Variants in WFDC10B observed in about 807,000 individuals in gnomAD.
The protein encoded by WFDC10B is protein WFDC10B.
WFDC10B carries 1 observed loss-of-function variant against 2.7 expected under a neutral mutation model. The observed-to-expected ratio is 0.38, with a 90% CI of 0.13 to 1.79. The LOEUF is 1.79. WFDC10B is among the 40% of genes most tolerant of loss of function. WFDC10B has a pLI of 0.33. For synonymous variants in WFDC10B, 26 were observed against 32.2 expected (o/e 0.81, Z 0.65); for missense variants, 71 against 87.8 (o/e 0.81, Z 0.76).
rs1353669059 is a variant in WFDC10B at position 45,704,538 on chromosome 20, C to T, written c.-106G>A. ...AAGATTGCGAGAAAGGATTTCAGTGCTGTTCCTCCTTCTGTGGGATAGTCT... is the reference window on the plus strand; with the variant it reads ...AAGATTGCGAGAAAGGATTTCAGTGTTGTTCCTCCTTCTGTGGGATAGTCT... On this transcript the variant is annotated 5_prime_UTR_variant, in exon 2 of 4. Coordinates refer to ENST00000330523, the MANE Select transcript of WFDC10B (RefSeq NM_172006.2). 1 of 1,614,064 alleles carries T rather than the reference C, an allele frequency of 6.2e-7. No homozygotes were observed. The highest frequency in any genetic ancestry group is 2.2e-5 in the East Asian group (1 of 44,886).
At chr20:45,690,528 G>T (rs1417667330) in intron 2 of WFDC10B, among the ~76,000 whole-genome samples, 1 of 151,532 alleles carries the variant, frequency 6.6e-6, no homozygotes, top group Non-Finnish European at 1.5e-5. Flanking sequence ...TCCTGTTATT[G>T]GTCTATTCAG....
At position 45,685,871 on chromosome 20, in the gene WFDC10B, T is replaced by C. The variant is rs770474904; in HGVS notation, c.91+31A>G. ...CTCCTCCATTCCCCCTACCCAACTC[T>C]CCATCACCCATCCAGCAGCCCATCA... On this transcript the variant is annotated intron_variant, in intron 3 of 3. Coordinates refer to ENST00000330523, the MANE Select transcript of WFDC10B (RefSeq NM_172006.2). The C allele has an allele frequency of 2.0e-5, 32 of 1,611,528 alleles. No individual in the cohort carries two copies. In the Admixed American group the frequency reaches 4.2e-4, roughly 21 times the overall value.
At chr20:45,696,454 C>T (rs1276055984) in intron 2 of WFDC10B, among the ~76,000 whole-genome samples, 2 of 151,850 alleles carry the variant, frequency 1.3e-5, no homozygotes, top group Non-Finnish European at 1.5e-5. Flanking sequence ...AAAGAATCAA[C>T]AAGACCAAAG....
At position 45,684,875 on chromosome 20, in the gene WFDC10B, T is replaced by C. The variant is rs759313793; in HGVS notation, c.177A>G (p.Ile59Met). The C allele has an allele frequency of 1.2e-6, 2 of 1,614,064 alleles. No homozygotes were observed. The highest frequency in any genetic ancestry group is 2.2e-5 in the South Asian group (2 of 91,074). The stretch of plus-strand genomic sequence containing the variant: ...TGTTCCCACAGAAGGCTGAACAGCA[T>C]ATCTTATTTGTTTCACACTTTTGGA... ...SYFQKCETNK[I>M]CCSAFCGNIC... Residue 59 changes from isoleucine to methionine, a missense_variant, in exon 4 of 4, where the codon ATA becomes ATG. Coordinates refer to ENST00000330523, the MANE Select transcript of WFDC10B (RefSeq NM_172006.2).
At chr20:45,699,006 G>GGGGAGA (rs1984065439) in intron 2 of WFDC10B, among the ~76,000 whole-genome samples, 1 of 150,570 alleles carries the variant, frequency 6.6e-6, no homozygotes, top group African/African-American at 2.4e-5. Context: ...GGAGGGGGAG[G>GGGGAGA]GGGAAGAAGA....
At chr20:45,693,998 T>C (rs907696823) in intron 2 of WFDC10B, among the ~76,000 whole-genome samples, 3 of 152,236 alleles carry the variant, frequency 2.0e-5, no homozygotes, top group Non-Finnish European at 4.4e-5. Context: ...TTTTTTCTTA[T>C]AAATTTAAGT....
intron 2 of WFDC10B, among the ~76,000 whole-genome samples, chr20:45,686,918 C>A (rs766096604): frequency 6.6e-6 from 1 of 152,106 alleles, no homozygotes; most frequent in Non-Finnish European, 1.5e-5. Context: ...GTATCAACCT[C>A]CCAAAGTCAT....
rs1984304796 is a variant in WFDC10B, at chr20:45,704,480, C to G, written c.-65+17G>C. ...GAACCTCCACCCTGCATATCAGCAC[C>G]TGAAAACTGTACTCACCTGTGTACA... On this transcript the variant is annotated intron_variant, in intron 2 of 3. Transcript: ENST00000330523. 1 of 1,613,986 alleles carries G rather than the reference C, an allele frequency of 6.2e-7. No individual in the cohort carries two copies. Among genetic ancestry groups the G allele is most frequent in the Non-Finnish European group, 8.5e-7 (1 of 1,180,000 alleles).
chr20:45,685,894 T>A lies in WFDC10B; in HGVS notation c.91+8A>T. 1 of 1,613,558 alleles carries A rather than the reference T, an allele frequency of 6.2e-7. No individual in the cohort carries two copies. Among genetic ancestry groups the A allele is most frequent in the Non-Finnish European group, 8.5e-7 (1 of 1,179,962 alleles). ...TCTCCATCACCCATCCAGCAGCCCA[T>A]CACCTACTCTGCATCCTCATCTTGT... On this transcript the variant is annotated splice_region_variant and intron_variant, in intron 3 of 3. Transcript: ENST00000330523.
chr20:45,685,064 C>T (rs1300846604), intron 3 of WFDC10B, 104 bp from the exon 4 acceptor site: 21 of 1,457,804 alleles, frequency 1.4e-5, no homozygotes, highest in Non-Finnish European at 1.8e-5. Flanking sequence ...ACCCCTGCCA[C>T]CACGACTCTC....
chr20:45,700,741 A>G (rs1454326493), intron 2 of WFDC10B, among the ~76,000 whole-genome samples: 1 of 152,230 alleles, frequency 6.6e-6, no homozygotes, highest in Non-Finnish European at 1.5e-5. Flanking sequence ...GGAAACAAGA[A>G]GTTTTCATTT....
intron 2 of WFDC10B, among the ~76,000 whole-genome samples, chr20:45,696,926 T>C (rs1234048352): frequency 6.6e-6 from 1 of 152,110 alleles, no homozygotes; most frequent in Non-Finnish European, 1.5e-5. Flanking sequence ...CACCCTTCTA[T>C]AATTAAAAAA....
chr20:45,690,686 AC>A (rs1478366003), intron 2 of WFDC10B, among the ~76,000 whole-genome samples: 1 of 151,576 alleles, frequency 6.6e-6, no homozygotes, highest in Non-Finnish European at 1.5e-5. Context: ...CGGTGGTGAT[AC>A]CCCTTTATCA....
chr20:45,699,451 A>C (rs1763391828), intron 2 of WFDC10B, among the ~76,000 whole-genome samples: 3 of 152,248 alleles, frequency 2.0e-5, no homozygotes, highest in Admixed American at 2.0e-4. Context: ...TTCACCCATA[A>C]AATGGAATGA....
chr20:45,701,039 C>G (rs766618387), intron 2 of WFDC10B, among the ~76,000 whole-genome samples: 2 of 152,224 alleles, frequency 1.3e-5, no homozygotes, highest in Non-Finnish European at 2.9e-5. Flanking sequence ...AGTGGGAACA[C>G]TGGCTTACTG....
chr20:45,702,121 A>G (rs370741523), intron 2 of WFDC10B: 1 of 1,612,370 alleles, frequency 6.2e-7, no homozygotes, highest in African/African-American at 1.3e-5. Flanking sequence ...TCCCACTGAC[A>G]CCATGAAGCC....
At chr20:45,689,821 A>C (rs958448585) in intron 2 of WFDC10B, among the ~76,000 whole-genome samples, 8 of 152,190 alleles carry the variant, frequency 5.3e-5, no homozygotes, top group African/African-American at 1.9e-4. Context: ...TTCCTAATTG[A>C]ATACACTTTA....
At chr20:45,704,293 C>A in intron 2 of WFDC10B, 1 of 966,516 alleles carries the variant, frequency 1.0e-6, no homozygotes, top group Non-Finnish European at 1.5e-6. Flanking sequence ...AGGAAGGCAG[C>A]AGCTGAGGAC....
At position 45,693,661 on chromosome 20, in the gene WFDC10B, C is replaced by T. The variant is rs956952809; in HGVS notation, c.-64-7605G>A. 4.6e-5 allele frequency among the ~76,000 whole-genome samples: 7 copies of T among 152,176 alleles called. No homozygotes were observed. In the South Asian group the frequency reaches 8.3e-4, roughly 18 times the overall value. The stretch of plus-strand genomic sequence containing the variant: ...TGTGGGATATAATCTCCTGGTGCGC[C>T]GTTTTTTAAGCCTGTCGGAAAAGCA... On this transcript the variant is annotated intron_variant, in intron 2 of 3. Coordinates refer to ENST00000330523, the MANE Select transcript of WFDC10B (RefSeq NM_172006.2).
Sources: gnomAD v4.1 joint callset for allele counts (sites outside exome capture counted in the v4.1 genomes callset) on GRCh38, gnomAD v4.1.1 for gene constraint, MANE v1.5 for transcripts, NCBI Gene and HGNC (gene_info 2026-07-23, HGNC 2026-07-21) for gene names.